HS3ST4: variants seen among roughly 807,000 people sequenced by gnomAD.
HS3ST4 encodes heparan sulfate glucosamine 3-O-sulfotransferase 4.
In HS3ST4, 17 loss-of-function variants were observed where a neutral mutation model predicts 29.2. That is an observed-to-expected ratio of 0.58 (90% CI 0.40 to 0.87). The LOEUF is 0.87. Ranked by LOEUF, HS3ST4 falls within the 40% of genes least tolerant of loss-of-function variation. The pLI, the probability that HS3ST4 is intolerant of heterozygous loss-of-function variation, is 0.00. For synonymous variants in HS3ST4, 314 were observed against 285.7 expected (o/e 1.10, Z -1.00); for missense variants, 627 against 634.5 (o/e 0.99, Z 0.13).
intron 1 of HS3ST4, among the ~76,000 whole-genome samples, chr16:25,896,645 C>T (rs1968068810): frequency 6.6e-6 from 1 of 152,090 alleles, no homozygotes; most frequent in Non-Finnish European, 1.5e-5. Flanking sequence ...TACTGGGCAC[C>T]TGCCCAAAGG....
chr16:26,046,145 A>AT (rs146624042), intron 1 of HS3ST4, among the ~76,000 whole-genome samples: 2,235 of 114,532 alleles, frequency 0.02, 12 homozygotes, highest in African/African-American at 0.023. Context: ...AGGACAGGAA[A>AT]TTTTTTTTTT....
chr16:25,859,295 C>A lies in HS3ST4; in HGVS notation c.734+166144C>A, dbSNP rs1220059179. 2.0e-5 allele frequency among the ~76,000 whole-genome samples: 3 copies of A among 152,306 alleles called. No homozygotes were observed. In the South Asian group the frequency reaches 6.2e-4, roughly 32 times the overall value. On this transcript the variant is annotated intron_variant, in intron 1 of 1. Coordinates refer to ENST00000331351, the MANE Select transcript of HS3ST4 (RefSeq NM_006040.3). ...GAAATTAAATGAGCACACACTACAT[C>A]AGGCTATTTCACACATATTATCTTA... is the stretch of plus-strand genomic sequence containing the variant.
chr16:25,818,315 T>A (rs760281102), intron 1 of HS3ST4, among the ~76,000 whole-genome samples: 2 of 152,198 alleles, frequency 1.3e-5, no homozygotes, highest in African/African-American at 4.8e-5. Context: ...GGACCAGAGT[T>A]GTTCCCTTCC....
At chr16:25,830,700 C>T (rs905964454) in intron 1 of HS3ST4, among the ~76,000 whole-genome samples, 5 of 152,086 alleles carry the variant, frequency 3.3e-5, no homozygotes, top group African/African-American at 4.8e-5. Flanking sequence ...TCCATTCATT[C>T]CCCACCTTCA....
chr16:25,744,526 A>G (rs1396192426), intron 1 of HS3ST4, among the ~76,000 whole-genome samples: 1 of 150,980 alleles, frequency 6.6e-6, no homozygotes, highest in Non-Finnish European at 1.5e-5. Context: ...AGAATTAGGC[A>G]TGGTGTAACA....
chr16:25,900,053 T>G (rs1182745431), intron 1 of HS3ST4, among the ~76,000 whole-genome samples: 1 of 152,262 alleles, frequency 6.6e-6, no homozygotes, highest in African/African-American at 2.4e-5. Flanking sequence ...CTAGAAGTTC[T>G]GTCATGCATA....
chr16:25,779,002 A>G (rs55698909), intron 1 of HS3ST4, among the ~76,000 whole-genome samples: 51,960 of 151,086 alleles, frequency 0.34, 9,341 homozygotes, highest in Admixed American at 0.46. Context: ...CTGTGTCTCT[A>G]CACACACACA....
chr16:25,835,503 T>C (rs368881207), intron 1 of HS3ST4, among the ~76,000 whole-genome samples: 6 of 143,146 alleles, frequency 4.2e-5, no homozygotes, highest in Non-Finnish European at 7.7e-5. Flanking sequence ...AAAAAAAAAA[T>C]CAAGTTGGCT....
At chr16:26,008,696 G>A (rs1278415693) in intron 1 of HS3ST4, among the ~76,000 whole-genome samples, 2 of 152,142 alleles carry the variant, frequency 1.3e-5, no homozygotes, top group African/African-American at 4.8e-5. Context: ...GTGCCTGCCT[G>A]TAATCCCAGC....
chr16:25,735,886 A>G (rs576138804), intron 1 of HS3ST4, among the ~76,000 whole-genome samples: 2 of 152,206 alleles, frequency 1.3e-5, no homozygotes, highest in Non-Finnish European at 2.9e-5. Flanking sequence ...CAGACAATGC[A>G]GAACTGGAGG....
chr16:25,858,660 A>G (rs1163974346), intron 1 of HS3ST4, among the ~76,000 whole-genome samples: 1 of 152,086 alleles, frequency 6.6e-6, no homozygotes, highest in East Asian at 1.9e-4. Context: ...TTTTGACAGC[A>G]TTTCCAATAT....
At chr16:25,749,754 A>T (rs931566439) in intron 1 of HS3ST4, among the ~76,000 whole-genome samples, 1 of 152,188 alleles carries the variant, frequency 6.6e-6, no homozygotes, top group African/African-American at 2.4e-5. Flanking sequence ...GGAAACATAG[A>T]CAGCTCTAAA....
At chr16:25,745,549 A>C (rs1049056537) in intron 1 of HS3ST4, among the ~76,000 whole-genome samples, 5 of 152,178 alleles carry the variant, frequency 3.3e-5, no homozygotes, top group Admixed American at 6.5e-5. Context: ...CTGTTCAATA[A>C]CATTCACAAA....
At chr16:25,869,403 G>A (rs1314627043) in intron 1 of HS3ST4, among the ~76,000 whole-genome samples, 2 of 152,156 alleles carry the variant, frequency 1.3e-5, no homozygotes, top group African/African-American at 4.8e-5. Flanking sequence ...GCTGAAGGAA[G>A]ACCCCTCAGG....
intron 1 of HS3ST4, among the ~76,000 whole-genome samples, chr16:25,738,652 G>C (rs1966629168): frequency 6.6e-6 from 1 of 152,142 alleles, no homozygotes; most frequent in Admixed American, 6.5e-5. Flanking sequence ...GAGGAAACCT[G>C]CCCCTCAATG....
intron 1 of HS3ST4, among the ~76,000 whole-genome samples, chr16:26,096,356 G>A (rs137870997): frequency 3.4e-4 from 52 of 152,224 alleles, no homozygotes; most frequent in African/African-American, 1.3e-3. Flanking sequence ...TAAAATACTG[G>A]CAAACCGAAT....
intron 1 of HS3ST4, among the ~76,000 whole-genome samples, chr16:26,026,645 A>G (rs1212303644): frequency 6.6e-6 from 1 of 152,194 alleles, no homozygotes; most frequent in Non-Finnish European, 1.5e-5. Flanking sequence ...TGTCTGAGAA[A>G]GGAAACCTTT....
intron 1 of HS3ST4, among the ~76,000 whole-genome samples, chr16:25,867,192 C>G (rs1967704284): frequency 6.6e-6 from 1 of 152,134 alleles, no homozygotes; most frequent in Non-Finnish European, 1.5e-5. Context: ...TATGTCCACC[C>G]CAGATCCAGG....
intron 1 of HS3ST4, among the ~76,000 whole-genome samples, chr16:26,103,554 C>T (rs1899014639): frequency 6.6e-6 from 1 of 152,146 alleles, no homozygotes; most frequent in Non-Finnish European, 1.5e-5. Context: ...ACCCTACTCC[C>T]TACAGCCCAA....
Sources: gnomAD v4.1 joint callset for allele counts (sites outside exome capture counted in the v4.1 genomes callset) on GRCh38, gnomAD v4.1.1 for gene constraint, MANE v1.5 for transcripts, NCBI Gene and HGNC (gene_info 2026-07-23, HGNC 2026-07-21) for gene names.